GREB1: variants seen among roughly 807,000 people sequenced by gnomAD.
GREB1 encodes the protein growth regulating estrogen receptor binding 1.
GREB1 carries 106 observed loss-of-function variants against 200.7 expected under a neutral mutation model. The ratio of observed to expected loss-of-function variants is 0.53; its 90% confidence interval spans 0.45 to 0.62. GREB1 has a LOEUF of 0.62. Among genes scored for constraint, GREB1 ranks in the 20% least tolerant of loss-of-function variants. The pLI is 0.00. For missense variants in GREB1, 2,243 were observed against 2,556.8 expected, an observed-to-expected ratio of 0.88 and a Z score of 2.65; for synonymous variants, 1,132 against 1,092.4, an observed-to-expected ratio of 1.04 and a Z score of -0.72.
intron 1 of GREB1, among the ~76,000 whole-genome samples, chr2:11,497,129 C>T (rs533746608): frequency 6.6e-6 from 1 of 152,304 alleles, no homozygotes; most frequent in Admixed American, 6.5e-5. Context: ...GGTTAATTCT[C>T]TTTCCCACCC....
chr2:11,484,316 A>T (rs1672592291), intron 1 of GREB1, among the ~76,000 whole-genome samples: 1 of 152,228 alleles, frequency 6.6e-6, no homozygotes, highest in African/African-American at 2.4e-5. Flanking sequence ...AGGTGAGGAG[A>T]TCTTTCTACA....
intron 13 of GREB1, among the ~76,000 whole-genome samples, chr2:11,596,946 G>A (rs1439100313): frequency 6.6e-6 from 1 of 151,732 alleles, no homozygotes; most frequent in Non-Finnish European, 1.5e-5. Flanking sequence ...GGGCGCAGGT[G>A]TGCACCGTGA....
At chr2:11,562,327 G>C in intron 2 of GREB1, 136 bp from the exon 3 acceptor site, 1 of 1,107,768 alleles carries the variant, frequency 9.0e-7, no homozygotes, top group Non-Finnish European at 1.3e-6. Context: ...TTAAGGATGG[G>C]TGGAACCCAT....
chr2:11,520,732 C>T (rs1375007352), intron 1 of GREB1, among the ~76,000 whole-genome samples: 1 of 152,204 alleles, frequency 6.6e-6, no homozygotes, highest in Non-Finnish European at 1.5e-5. Context: ...AGCATTATCT[C>T]CGCATCTCAA....
At position 11,593,095 on chromosome 2, in the gene GREB1, C is replaced by G. The variant is rs763144505; in HGVS notation, c.1665C>G (p.Ser555Arg). Residue 555 changes from serine (S) to arginine (R), a missense_variant, in exon 11 of 33, where the codon AGC becomes AGG. Ser to Arg is a moderately radical substitution (Grantham distance 110). Coordinates refer to ENST00000381486, the MANE Select transcript of GREB1 (RefSeq NM_014668.4). Reference sequence around the variant, plus strand: ...TGGTCATCATCTGCGCCTGCCGCAGCGCGGCCATCGACTCCTGCATCGCCG... The same window carrying G: ...TGGTCATCATCTGCGCCTGCCGCAGGGCGGCCATCGACTCCTGCATCGCCG... ...NYVVIICACR[S>R]AAIDSCIAVT... 1 of 1,608,420 alleles carries G rather than the reference C, an allele frequency of 6.2e-7. No homozygotes were observed. The highest frequency in any genetic ancestry group is 8.5e-7 in the Non-Finnish European group (1 of 1,177,130).
rs564009581 is a variant in GREB1 at position 11,521,342 on chromosome 2, CCAAG to C, written c.-158-35111_-158-35108del. ...CCGGGCTGGTCTTGAACTCCTGGGCCCAAGCAATTGGCCTACCCTGGTCTCCTAA... is the reference window on the plus strand; with the variant it reads ...CCGGGCTGGTCTTGAACTCCTGGGCCCAATTGGCCTACCCTGGTCTCCTAA... On this transcript the variant is annotated intron_variant, in intron 1 of 2. Transcript: ENST00000628795. Among the ~76,000 whole-genome samples, 225 of 152,022 alleles carry C rather than the reference CCAAG, an allele frequency of 1.5e-3. 2 individuals carry two copies. The Middle Eastern group carries it at 0.02, about 14-fold the overall frequency.
intron 1 of GREB1, among the ~76,000 whole-genome samples, chr2:11,515,341 A>T (rs1367663936): frequency 1.3e-5 from 2 of 152,258 alleles, no homozygotes; most frequent in Non-Finnish European, 2.9e-5. Flanking sequence ...TAGTGAGAGG[A>T]AAATGTGCTA....
intron 1 of GREB1, among the ~76,000 whole-genome samples, chr2:11,488,470 G>T (rs1359398751): frequency 6.6e-6 from 1 of 152,156 alleles, no homozygotes; most frequent in African/African-American, 2.4e-5. Context: ...CAGGAACTCT[G>T]ACTGAAAGTT....
chr2:11,622,050 T>A (rs1311564764), intron 23 of GREB1, among the ~76,000 whole-genome samples: 1 of 152,152 alleles, frequency 6.6e-6, no homozygotes, highest in African/African-American at 2.4e-5. Flanking sequence ...ATTATAGGGT[T>A]TTATGGGGAT....
chr2:11,520,328 T>G (rs1673659597), intron 1 of GREB1, among the ~76,000 whole-genome samples: 1 of 152,248 alleles, frequency 6.6e-6, no homozygotes. Context: ...TTATTATCTA[T>G]CTTCCAGTTC....
At position 11,602,435 on chromosome 2, in the gene GREB1, G is replaced by A. The variant is rs753730265; in HGVS notation, c.2559G>A (p.Lys853=). The A allele has an allele frequency of 2.5e-6, 4 of 1,613,424 alleles. No homozygotes were observed. The highest frequency in any genetic ancestry group is 2.2e-5 in the South Asian group (2 of 91,064). The change falls in exon 17 of 33, where the codon AAG becomes AAA. Residue 853 remains lysine (K), a synonymous_variant. Transcript: ENST00000381486. ...NGVDLYHENK[K]YFGLSEFIES... ...TGGACTTATATCATGAAAATAAGAA[G>A]TACTTCGGGCTGTCGGAGTTTATTG...
upstream of GREB1, among the ~76,000 whole-genome samples, chr2:11,530,540 C>T (rs1243935371): frequency 2.1e-5 from 3 of 142,964 alleles, no homozygotes; most frequent in East Asian, 6.1e-4. Context: ...GCTCTCCAGC[C>T]TGAGGACAGA....
intron 5 of GREB1, among the ~76,000 whole-genome samples, chr2:11,577,662 G>A (rs1036391896): frequency 3.3e-5 from 5 of 152,192 alleles, no homozygotes; most frequent in African/African-American, 9.7e-5. Context: ...CTTGTCTTCC[G>A]GACGCTCCCG....
intron 1 of GREB1, among the ~76,000 whole-genome samples, chr2:11,497,712 C>T (rs188911529): frequency 6.6e-6 from 1 of 152,170 alleles, no homozygotes; most frequent in East Asian, 1.9e-4. Context: ...TTTGTATTTT[C>T]CTATTGAGTA....
intron 27 of GREB1, 112 bp from the exon 28 acceptor site, chr2:11,632,777 A>G (rs1381511481): frequency 5.1e-6 from 4 of 787,538 alleles, no homozygotes; most frequent in Non-Finnish European, 8.4e-6. Flanking sequence ...TCATGTCAGG[A>G]AGGTCGGGGC....
intron 8 of GREB1, among the ~76,000 whole-genome samples, 157 bp downstream of exon 8, chr2:11,585,431 A>G (rs1280552642): frequency 6.6e-6 from 1 of 152,262 alleles, no homozygotes; most frequent in Non-Finnish European, 1.5e-5. Context: ...TGGTGTGACA[A>G]AAGACCTCTT....
At chr2:11,501,527 G>A (rs1673036431) in intron 1 of GREB1, among the ~76,000 whole-genome samples, 1 of 152,000 alleles carries the variant, frequency 6.6e-6, no homozygotes, top group Admixed American at 6.5e-5. Flanking sequence ...CCAAATAGCT[G>A]GGACTACAGG....
intron 1 of GREB1, among the ~76,000 whole-genome samples, chr2:11,496,772 A>G (rs931103119): frequency 6.6e-6 from 1 of 152,232 alleles, no homozygotes; most frequent in African/African-American, 2.4e-5. Context: ...ATTTTGCAAA[A>G]CTATCATACA....
chr2:11,493,134 T>G lies in GREB1; in HGVS notation c.-159+10753T>G, dbSNP rs920571736. 3.9e-5 allele frequency among the ~76,000 whole-genome samples: 6 copies of G among 152,172 alleles called. No individual in the cohort carries two copies. The highest frequency in any genetic ancestry group is 1.4e-4 in the African/African-American group (6 of 41,450). On this transcript the variant is annotated intron_variant, in intron 1 of 2. Coordinates refer to the GREB1 transcript ENST00000628795. This position sits in a 1 kb window ranked among gnomAD's most constrained non-coding sequence, Gnocchi z 4.6. ...TATGATTTTCAACTTGGTTAAACAA[T>G]AAGCCTCCACTTCATGTTGTCCATA...
Sources: allele counts gnomAD v4.1 joint callset (sites outside exome capture counted in the v4.1 genomes callset), GRCh38; gene constraint gnomAD v4.1.1; non-coding constraint Gnocchi (gnomAD v3.1); transcripts MANE v1.5; gene names NCBI Gene and HGNC (gene_info 2026-07-23, HGNC 2026-07-21).